PCDHGA2: variants seen among roughly 807,000 people sequenced by gnomAD.
PCDHGA2 encodes the protein protocadherin gamma-A2.
In PCDHGA2, 40 loss-of-function variants were observed where a neutral mutation model predicts 59.2. That is an observed-to-expected ratio of 0.68 (90% CI 0.52 to 0.88). The LOEUF (loss-of-function observed/expected upper bound fraction) is 0.88, where lower values mean the gene tolerates loss of function less well. Ranked by LOEUF, PCDHGA2 falls within the 40% of genes least tolerant of loss-of-function variation. PCDHGA2 has a pLI of 0.00. For synonymous variants in PCDHGA2, 560 were observed against 526.0 expected, an observed-to-expected ratio of 1.06 and a Z score of -0.89; for missense variants, 1,226 against 1,204.0, an observed-to-expected ratio of 1.02 and a Z score of -0.27.
intron 1 of PCDHGA2, among the ~76,000 whole-genome samples, chr5:141,458,081 G>GTTT (rs1259527184): frequency 6.6e-6 from 1 of 152,186 alleles, no homozygotes; most frequent in Non-Finnish European, 1.5e-5. Flanking sequence ...CTATATTGCC[G>GTTT]TAAGTTAAGA....
chr5:141,362,634 T>G, intron 1 of PCDHGA2: 1 of 1,484,528 alleles, frequency 6.7e-7, no homozygotes, highest in East Asian at 2.4e-5. Context: ...ACTGCGTATT[T>G]CTTTGTCTGT....
chr5:141,438,627 TATATATATACAC>T (rs1324653166), intron 1 of PCDHGA2, among the ~76,000 whole-genome samples: 191 of 47,978 alleles, frequency 4.0e-3, no homozygotes, highest in African/African-American at 0.016. Flanking sequence ...TATATATATA[TATATATATACAC>T]ACACACACAC....
intron 1 of PCDHGA2, chr5:141,410,466 G>A (rs536543649): frequency 6.2e-7 from 1 of 1,613,908 alleles, no homozygotes; most frequent in African/African-American, 1.3e-5. Context: ...TATAATCTGT[G>A]CATTGCACAT....
In PCDHGA2 at chr5:141,340,707, C is replaced by T. The variant is rs757258836; in HGVS notation, c.1736C>T (p.Pro579Leu). 7 of 1,614,052 alleles carry T rather than the reference C, an allele frequency of 4.3e-6. No homozygotes were observed. Among genetic ancestry groups the T allele is most frequent in the African/African-American group, 4.0e-5 (3 of 74,942 alleles). The change falls in exon 1 of 4, where the codon CCC (proline) becomes CTC (leucine). Residue 579 changes from proline (P) to leucine (L), a missense_variant. Physicochemically the swap from Pro to Leu is moderately conservative, Grantham distance 98. Transcript: ENST00000394576. The part of the protein sequence containing the change: ...TDGSTGVELA[P>L]RSAEPGYLVT... ...GGTTCCACTGGCGTGGAGCTGGCGC[C>T]CCGCTCCGCAGAGCCCGGCTACCTG...
At chr5:141,425,391 A>G (rs2096872046) in intron 1 of PCDHGA2, among the ~76,000 whole-genome samples, 1 of 152,238 alleles carries the variant, frequency 6.6e-6, no homozygotes, top group South Asian at 2.1e-4. Flanking sequence ...AGGTAGTGAT[A>G]AAGTTCTGTT....
chr5:141,375,266 GA>G (rs1771293151), intron 1 of PCDHGA2: 1 of 1,613,846 alleles, frequency 6.2e-7, no homozygotes. Flanking sequence ...ATTTGAATTG[GA>G]AAAATCAGTT....
intron 1 of PCDHGA2, among the ~76,000 whole-genome samples, chr5:141,430,243 T>C (rs1020416761): frequency 5.6e-5 from 6 of 106,478 alleles, no homozygotes; most frequent in African/African-American, 3.0e-4. Flanking sequence ...GAGAAACTCC[T>C]AGGGAGACAT....
intron 1 of PCDHGA2, chr5:141,375,334 G>C (rs1417595608): frequency 1.9e-6 from 3 of 1,613,802 alleles, no homozygotes; most frequent in East Asian, 2.2e-5. Context: ...AGGTATTCTT[G>C]TACAACATCA....
At chr5:141,361,585 A>G in intron 1 of PCDHGA2, 1 of 1,614,014 alleles carries the variant, frequency 6.2e-7, no homozygotes, top group Non-Finnish European at 8.5e-7. Context: ...CTTGGGCCCC[A>G]GTGGCCAAGT....
chr5:141,382,810 C>T, intron 1 of PCDHGA2: 3 of 1,162,786 alleles, frequency 2.6e-6, no homozygotes, highest in Non-Finnish European at 3.7e-6. Context: ...TCTGAGCTCC[C>T]CTTCCTAAGA....
chr5:141,359,760 G>C (rs1305895220), intron 1 of PCDHGA2, among the ~76,000 whole-genome samples: 2 of 152,148 alleles, frequency 1.3e-5, no homozygotes, highest in African/African-American at 4.8e-5. Flanking sequence ...ATCTAAAGCA[G>C]AGATGAAAGG....
At position 141,487,748 on chromosome 5, in the gene PCDHGA2, T is replaced by C. The variant is rs1458153935; in HGVS notation, c.2425-7059T>C. On this transcript the variant is annotated intron_variant, in intron 1 of 3. Coordinates refer to ENST00000394576, the MANE Select transcript of PCDHGA2 (RefSeq NM_018915.4). The surrounding 1 kb of genome is among the most constrained non-coding windows in gnomAD (Gnocchi z 5.0). ...TGTCACCATTTTTGTAAGAGGTAAC[T>C]ATGTGGTAGACGCTGTGCTTTGTAA... 1 of 1,557,436 alleles carries C rather than the reference T, an allele frequency of 6.4e-7. No individual in the cohort carries two copies. Among genetic ancestry groups the C allele is most frequent in the Non-Finnish European group, 8.7e-7 (1 of 1,149,514 alleles).
chr5:141,444,947 C>G (rs2098452252), intron 1 of PCDHGA2, among the ~76,000 whole-genome samples: 1 of 152,054 alleles, frequency 6.6e-6, no homozygotes, highest in Non-Finnish European at 1.5e-5. Context: ...GGAGGAGGAT[C>G]ATCTTAACAA....
chr5:141,348,053 C>G (rs1470158064), intron 1 of PCDHGA2, among the ~76,000 whole-genome samples: 1 of 152,198 alleles, frequency 6.6e-6, no homozygotes, highest in Non-Finnish European at 1.5e-5. Flanking sequence ...GAAGTCCCTT[C>G]TTTTGTCATG....
chr5:141,413,600 T>C lies in PCDHGA2; in HGVS notation c.2424+72205T>C, dbSNP rs767830855. The C allele has an allele frequency of 3.7e-6, 6 of 1,613,868 alleles. No individual in the cohort carries two copies. The Admixed American group carries it at 8.3e-5, about 22-fold the overall frequency. Reference sequence around the variant, plus strand: ...GCTCCAAAATTCCAAGCAGAAAATCTAGACGTAAAAATTAATGAAAATGTC... The same window carrying C: ...GCTCCAAAATTCCAAGCAGAAAATCCAGACGTAAAAATTAATGAAAATGTC... On this transcript the variant is annotated intron_variant, in intron 1 of 3. Transcript: ENST00000394576.
Position 141,380,147 on chromosome 5 carries a change from G to A in PCDHGA2, c.2424+38752G>A, listed in dbSNP as rs191814510. On this transcript the variant is annotated intron_variant, in intron 1 of 3. Transcript: ENST00000394576. ...ACTCCTGACCTTAAGTGATCCACCC[G>A]CCTCAGCCTCTCAAAGGGCTGGGAT... Among the ~76,000 whole-genome samples the A allele has an allele frequency of 2.4e-3, 365 of 152,108 alleles. 1 individual carries two copies. Among genetic ancestry groups the A allele is most frequent in the Non-Finnish European group, 4.5e-3 (306 of 67,982 alleles).
Position 141,390,134 on chromosome 5 carries a change from C to T in PCDHGA2, c.2424+48739C>T, listed in dbSNP as rs758087998. ...GCGAGGGGACTTTGCCTTATTCCTACAATCTATGTGTTGCACATACAGGAA... is the reference window on the plus strand; with the variant it reads ...GCGAGGGGACTTTGCCTTATTCCTATAATCTATGTGTTGCACATACAGGAA... On this transcript the variant is annotated intron_variant, in intron 1 of 3. Coordinates refer to ENST00000394576, the MANE Select transcript of PCDHGA2 (RefSeq NM_018915.4). The T allele has an allele frequency of 1.2e-5, 20 of 1,613,930 alleles. No homozygotes were observed. The Admixed American group carries it at 1.8e-4, about 15-fold the overall frequency.
chr5:141,370,433 G>A, intron 1 of PCDHGA2: 1 of 1,601,376 alleles, frequency 6.2e-7, no homozygotes, highest in Non-Finnish European at 8.5e-7. Flanking sequence ...CAGCAGGGCA[G>A]AGGCGAATGC....
Position 141,431,479 on chromosome 5 carries a change from A to T in PCDHGA2, c.2425-63328A>T. 1 of 1,613,892 alleles carries T rather than the reference A, an allele frequency of 6.2e-7. No individual in the cohort carries two copies. Among genetic ancestry groups the T allele is most frequent in the South Asian group, 1.1e-5 (1 of 91,092 alleles). On this transcript the variant is annotated intron_variant, in intron 1 of 3. Transcript: ENST00000394576. This position sits in a 1 kb window ranked among gnomAD's most constrained non-coding sequence, Gnocchi z 4.8. ...TTCTGGATGCGAACGACAACGCACC[A>T]GCGTTTGCTCAGCCCGAGTACCGCG...
Sources: allele counts gnomAD v4.1 joint callset (sites outside exome capture counted in the v4.1 genomes callset), GRCh38; gene constraint gnomAD v4.1.1; non-coding constraint Gnocchi (gnomAD v3.1); transcripts MANE v1.5; gene names NCBI Gene and HGNC (gene_info 2026-07-23, HGNC 2026-07-21).